The following INPP4B variants were observed in gnomAD, a reference collection of about 807,000 sequenced individuals.
The protein encoded by INPP4B is inositol polyphosphate-4-phosphatase type II B.
A neutral mutation model predicts 122.5 loss-of-function variants in INPP4B; 55 were observed. That is an observed-to-expected ratio of 0.45 (90% confidence interval 0.36 to 0.56). INPP4B has a LOEUF of 0.56. INPP4B is among the 20% of genes least tolerant of loss of function. INPP4B has a pLI of 0.00. For missense variants in INPP4B, 1,000 were observed against 1,097.7 expected (o/e 0.91, Z 1.26); for synonymous variants, 403 against 388.7 (o/e 1.04, Z -0.43).
chr4:142,738,028 A>C (rs1248792647), intron 1 of INPP4B, among the ~76,000 whole-genome samples: 1 of 152,246 alleles, frequency 6.6e-6, no homozygotes, highest in African/African-American at 2.4e-5. Flanking sequence ...AAACTAGTTC[A>C]ACCATTGTGG....
In INPP4B at chr4:142,449,698, C is replaced by CAAAAAAA. The variant is rs761552688; in HGVS notation, c.-127+12958_-127+12964dup. 6.7e-3 allele frequency among the ~76,000 whole-genome samples: 701 copies of CAAAAAAA among 105,206 alleles called. 7 individuals are homozygous for CAAAAAAA. Among genetic ancestry groups the CAAAAAAA allele is most frequent in the African/African-American group, 0.022 (659 of 29,996 alleles). 69.0% of individuals were successfully genotyped at this position (105,206 alleles called of 152,430 possible). On this transcript the variant is annotated intron_variant, in intron 3 of 25. Transcript: ENST00000262992. ...CTGGTGACAGAGCAAGACTCTGTCC[C>CAAAAAAA]AAAAAAAAAAAAAAGAAAGTACATT...
intron 12 of INPP4B, among the ~76,000 whole-genome samples, chr4:142,224,526 C>T (rs1483702469): frequency 1.3e-5 from 2 of 152,112 alleles, no homozygotes; most frequent in Admixed American, 1.3e-4. Context: ...ACCAATTCTA[C>T]ATTATATGAA....
intron 24 of INPP4B, among the ~76,000 whole-genome samples, chr4:142,085,837 G>A (rs191878809): frequency 2.1e-3 from 313 of 152,260 alleles, no homozygotes; most frequent in African/African-American, 6.7e-3. Context: ...TGGGTGATAC[G>A]GGCAATTGAC....
At chr4:142,639,495 C>G (rs978684638) in intron 2 of INPP4B, among the ~76,000 whole-genome samples, 1 of 152,106 alleles carries the variant, frequency 6.6e-6, no homozygotes, top group African/African-American at 2.4e-5. Flanking sequence ...TCCTTTTCAT[C>G]TAGGTTATCA....
intron 25 of INPP4B, 183 bp from the exon 26 acceptor site, chr4:142,029,097 A>G: frequency 7.5e-7 from 1 of 1,331,712 alleles, no homozygotes; most frequent in Middle Eastern, 2.8e-4. Flanking sequence ...GCCCAATACC[A>G]TTATTGCCCT....
chr4:142,699,446 T>A (rs1560974137), intron 2 of INPP4B, among the ~76,000 whole-genome samples: 1 of 152,166 alleles, frequency 6.6e-6, no homozygotes, highest in East Asian at 1.9e-4. Flanking sequence ...ATCATGAGCT[T>A]GGTAATCACA....
At chr4:142,834,400 A>G (rs887074892) in intron 1 of INPP4B, among the ~76,000 whole-genome samples, 4 of 152,078 alleles carry the variant, frequency 2.6e-5, no homozygotes, top group Non-Finnish European at 4.4e-5. Context: ...TGCTCTCCCT[A>G]TACTTTTTTG....
chr4:142,821,641 A>C (rs1780804219), intron 1 of INPP4B, among the ~76,000 whole-genome samples: 1 of 152,104 alleles, frequency 6.6e-6, no homozygotes, highest in South Asian at 2.1e-4. Context: ...ATATTTTCCT[A>C]TGTATTCAAC....
intron 1 of INPP4B, among the ~76,000 whole-genome samples, chr4:142,754,480 T>C (rs1193553566): frequency 6.6e-6 from 1 of 151,996 alleles, no homozygotes; most frequent in Non-Finnish European, 1.5e-5. Context: ...CACTATCATG[T>C]TGTATCTTTT....
intron 15 of INPP4B, among the ~76,000 whole-genome samples, chr4:142,178,503 T>C (rs569426004): frequency 7.9e-5 from 12 of 152,300 alleles, no homozygotes; most frequent in African/African-American, 2.9e-4. Flanking sequence ...CAAGTGCACA[T>C]TGTGGGACTT....
intron 2 of INPP4B, among the ~76,000 whole-genome samples, chr4:142,504,916 T>C (rs1823814430): frequency 1.3e-5 from 2 of 151,894 alleles, no homozygotes; most frequent in Non-Finnish European, 2.9e-5. Flanking sequence ...TGTGATGTGA[T>C]TGGTATGGAG....
At chr4:142,486,999 G>C (rs1201673000) in intron 2 of INPP4B, among the ~76,000 whole-genome samples, 1 of 152,108 alleles carries the variant, frequency 6.6e-6, no homozygotes, top group Admixed American at 6.6e-5. Flanking sequence ...TCATCTTGTA[G>C]CTCCCATAAT....
intron 2 of INPP4B, among the ~76,000 whole-genome samples, chr4:142,725,151 C>T (rs1220632936): frequency 1.3e-5 from 2 of 152,094 alleles, no homozygotes; most frequent in East Asian, 1.9e-4. Flanking sequence ...CATACTCACA[C>T]TTTGTGTACA....
At chr4:142,096,228 A>G (rs542599709) in intron 23 of INPP4B, 10 of 152,316 alleles carry the variant, frequency 6.6e-5, no homozygotes, top group African/African-American at 2.4e-4. Context: ...AAAAAAGATG[A>G]GAGCCTCAGT....
chr4:142,269,589 G>A (rs1235145073), intron 10 of INPP4B, among the ~76,000 whole-genome samples: 2 of 152,160 alleles, frequency 1.3e-5, no homozygotes, highest in Non-Finnish European at 2.9e-5. Context: ...AATGGGAGGT[G>A]CTCATCAAAG....
At chr4:142,718,750 A>G (rs1056878251) in intron 2 of INPP4B, among the ~76,000 whole-genome samples, 5 of 152,206 alleles carry the variant, frequency 3.3e-5, no homozygotes, top group Non-Finnish European at 7.3e-5. Context: ...ATAATTAAAG[A>G]ATAACAATCA....
chr4:142,343,484 T>C (rs1779315989), intron 7 of INPP4B, among the ~76,000 whole-genome samples: 2 of 148,342 alleles, frequency 1.3e-5, no homozygotes, highest in Admixed American at 1.3e-4. Flanking sequence ...TGTTAAGGCT[T>C]AAAAAAAAAA....
At chr4:142,201,198 T>A (rs943816633) in intron 14 of INPP4B, among the ~76,000 whole-genome samples, 12 of 152,062 alleles carry the variant, frequency 7.9e-5, no homozygotes, top group Non-Finnish European at 1.5e-4. Context: ...AATGTTATTC[T>A]CAGAACTGAC....
intron 2 of INPP4B, among the ~76,000 whole-genome samples, chr4:142,500,778 A>C (rs1823261034): frequency 6.6e-6 from 1 of 152,158 alleles, no homozygotes; most frequent in Admixed American, 6.6e-5. Context: ...AGCCAGGCAC[A>C]GAAGGACAAA....
Sources: allele counts gnomAD v4.1 joint callset (sites outside exome capture counted in the v4.1 genomes callset), GRCh38; gene constraint gnomAD v4.1.1; transcripts MANE v1.5; gene names NCBI Gene and HGNC (gene_info 2026-07-23, HGNC 2026-07-21).